CEP89: variants seen among roughly 807,000 people sequenced by gnomAD.
CEP89 encodes centrosomal protein 89.
In CEP89, 95 loss-of-function variants were observed where a neutral mutation model predicts 97.6. That is an observed-to-expected ratio of 0.97 (90% CI 0.82 to 1.15). CEP89 has a LOEUF of 1.15. Among genes scored for constraint, CEP89 ranks in the 50% most tolerant of loss-of-function variants. The probability of loss-of-function intolerance (pLI) is 0.00; values close to 1 mark genes in which losing one functional copy is unlikely to be tolerated. For missense variants in CEP89, 869 were observed against 947.7 expected (o/e 0.92, Z 1.09); for synonymous variants, 354 against 349.1 (o/e 1.01, Z -0.16).
intron 16 of CEP89, among the ~76,000 whole-genome samples, chr19:32,893,732 T>C (rs1969582226): frequency 6.6e-6 from 1 of 152,204 alleles, no homozygotes. Context: ...CTTTGGAAAC[T>C]GTACAAACAT....
intron 13 of CEP89, 86 bp downstream of exon 13, chr19:32,918,138 T>A: frequency 8.9e-7 from 1 of 1,117,732 alleles, no homozygotes; most frequent in Non-Finnish European, 1.3e-6. Flanking sequence ...CATTTTCAAC[T>A]GGGGCCCCCG....
intron 16 of CEP89, among the ~76,000 whole-genome samples, chr19:32,892,106 ATT>A (rs1160211116): frequency 3.2e-5 from 4 of 123,748 alleles, no homozygotes; most frequent in African/African-American, 1.4e-4. Flanking sequence ...ATATATATAT[ATT>A]TAGACATACA....
intron 1 of CEP89, among the ~76,000 whole-genome samples, chr19:32,967,107 G>A (rs551117000): frequency 6.6e-6 from 1 of 152,268 alleles, no homozygotes; most frequent in South Asian, 2.1e-4. Context: ...GATTATAGGT[G>A]CGAGTGCTGC....
intron 16 of CEP89, among the ~76,000 whole-genome samples, chr19:32,899,239 T>C (rs1969712359): frequency 6.6e-6 from 1 of 150,514 alleles, no homozygotes; most frequent in South Asian, 2.1e-4. Flanking sequence ...CAAATGAACC[T>C]CCTACCTGAG....
chr19:32,911,904 C>T (rs1256744460), intron 14 of CEP89, among the ~76,000 whole-genome samples: 1 of 152,044 alleles, frequency 6.6e-6, no homozygotes, highest in Non-Finnish European at 1.5e-5. Flanking sequence ...CCCCTTATTA[C>T]AAAAGTGAAT....
At chr19:32,894,310 C>T (rs758760893) in intron 16 of CEP89, among the ~76,000 whole-genome samples, 3 of 152,144 alleles carry the variant, frequency 2.0e-5, no homozygotes, top group Non-Finnish European at 2.9e-5. Context: ...CTTTCATGTG[C>T]GCCCTTGTAT....
At chr19:32,916,150 C>T (rs536693908) in intron 13 of CEP89, among the ~76,000 whole-genome samples, 3 of 151,862 alleles carry the variant, frequency 2.0e-5, no homozygotes, top group East Asian at 3.9e-4. Context: ...TGGTGACATG[C>T]GTCTGTGGTC....
At chr19:32,942,012 G>C (rs1970696676) in intron 5 of CEP89, among the ~76,000 whole-genome samples, 1 of 152,186 alleles carries the variant, frequency 6.6e-6, no homozygotes, top group Non-Finnish European at 1.5e-5. Flanking sequence ...ATTTAATGGA[G>C]TCTTCTATGT....
chr19:32,910,978 A>G (rs1284050969), intron 14 of CEP89, among the ~76,000 whole-genome samples: 1 of 152,268 alleles, frequency 6.6e-6, no homozygotes, highest in Admixed American at 6.5e-5. Context: ...AACCAGTAAC[A>G]CAGTCATTTA....
chr19:32,897,304 A>G lies in CEP89; in HGVS notation c.1875+2553T>C, dbSNP rs191699516. On this transcript the variant is annotated intron_variant, in intron 16 of 18. Transcript: ENST00000305768. ...AGGAAAGGTATATTTAACATTCCAC[A>G]TTGAAGATATAACAGTCATGGGGTC... Among the ~76,000 whole-genome samples the G allele has an allele frequency of 7.8e-4, 119 of 152,342 alleles. 1 individual carries two copies. Among genetic ancestry groups the G allele is most frequent in the Non-Finnish European group, 1.4e-3 (98 of 68,042 alleles).
At position 32,919,694 on chromosome 19, in the gene CEP89, T is replaced by TC. The variant is rs1231157229; in HGVS notation, c.1269-1356dup. 3.3e-5 allele frequency among the ~76,000 whole-genome samples: 5 copies of TC among 152,360 alleles called. No individual in the cohort carries two copies. In the East Asian group the frequency reaches 9.7e-4, roughly 29 times the overall value. On this transcript the variant is annotated intron_variant, in intron 12 of 18. Coordinates refer to ENST00000305768, the MANE Select transcript of CEP89 (RefSeq NM_032816.5). ...GACTTATTTATTTAGAGATAGGGTC[T>TC]CACTCTGTTGCCCAGGCTGGAGTGC...
rs138197728 is a variant in CEP89 at position 32,959,357 on chromosome 19, C to T, written c.305+543G>A. Among the ~76,000 whole-genome samples, 307 of 152,296 alleles carry T rather than the reference C, an allele frequency of 2.0e-3. 1 individual carries two copies. Among genetic ancestry groups the T allele is most frequent in the Middle Eastern group, 3.4e-3 (1 of 294 alleles). On this transcript the variant is annotated intron_variant, in intron 3 of 18. Transcript: ENST00000305768. Reference sequence around the variant, plus strand: ...AGATGATTCCTGTACATCCTAAGCTCTCCCCTTGACCCTTTCTTCCTCAGG... The same window carrying T: ...AGATGATTCCTGTACATCCTAAGCTTTCCCCTTGACCCTTTCTTCCTCAGG...
intron 11 of CEP89, among the ~76,000 whole-genome samples, chr19:32,923,801 C>T (rs1970301595): frequency 6.6e-6 from 1 of 152,022 alleles, no homozygotes; most frequent in South Asian, 2.1e-4. Context: ...GTATTAGATT[C>T]CTAATTTGCT....
intron 14 of CEP89, among the ~76,000 whole-genome samples, chr19:32,914,350 G>A (rs559634665): frequency 3.9e-5 from 6 of 152,082 alleles, no homozygotes; most frequent in African/African-American, 1.4e-4. Context: ...GGAGTACAGT[G>A]GCGTGATCTC....
intron 4 of CEP89, among the ~76,000 whole-genome samples, chr19:32,950,378 G>C (rs183061882): frequency 6.6e-4 from 101 of 152,250 alleles, no homozygotes; most frequent in African/African-American, 2.3e-3. Context: ...GATCAACATG[G>C]AGAAACCTTG....
intron 17 of CEP89, among the ~76,000 whole-genome samples, chr19:32,885,727 G>A (rs1969381122): frequency 6.6e-6 from 1 of 152,184 alleles, no homozygotes; most frequent in Non-Finnish European, 1.5e-5. Flanking sequence ...ATAGATTCAA[G>A]TCTTCTTTTA....
At chr19:32,930,732 A>G (rs1970454507) in intron 9 of CEP89, among the ~76,000 whole-genome samples, 1 of 152,210 alleles carries the variant, frequency 6.6e-6, no homozygotes, top group African/African-American at 2.4e-5. Flanking sequence ...TGACCTGCTC[A>G]GTGAGAGTGT....
chr19:32,910,456 C>T (rs1420440358), intron 14 of CEP89, among the ~76,000 whole-genome samples: 1 of 151,992 alleles, frequency 6.6e-6, no homozygotes, highest in East Asian at 1.9e-4. Context: ...TGTACACTCT[C>T]GTAGACTAAA....
chr19:32,923,469 T>C lies in CEP89; in HGVS notation c.1238A>G (p.Asn413Ser). The change falls in exon 12 of 19, where the codon AAT becomes AGT. Residue 413 changes from asparagine to serine, a missense_variant. Transcript: ENST00000305768. Reference sequence around the variant, plus strand: ...CTCACTGGTAACAGCACTACTCTTATTTAACTCTTGGTGCAATTCTTCATT... The same window carrying C: ...CTCACTGGTAACAGCACTACTCTTACTTAACTCTTGGTGCAATTCTTCATT... ...KENEELHQEL[N>S]KSSAVTSEEW... is the part of the protein sequence containing the mutation. The C allele has an allele frequency of 1.2e-6, 2 of 1,608,968 alleles. No homozygotes were observed. Among genetic ancestry groups the C allele is most frequent in the Non-Finnish European group, 1.7e-6 (2 of 1,175,526 alleles).
Sources: allele counts gnomAD v4.1 joint callset (sites outside exome capture counted in the v4.1 genomes callset), GRCh38; gene constraint gnomAD v4.1.1; transcripts MANE v1.5; gene names NCBI Gene and HGNC (gene_info 2026-07-23, HGNC 2026-07-21).